Variants in TLN2 observed in about 807,000 individuals in gnomAD.
The protein encoded by TLN2 is talin 2.
A neutral mutation model predicts 294.7 loss-of-function variants in TLN2; 118 were observed. The ratio of observed to expected loss-of-function variants is 0.40; its 90% CI spans 0.34 to 0.47. TLN2 has a LOEUF of 0.47. TLN2 is among the 20% of genes least tolerant of loss of function. The pLI is 0.84. For missense variants in TLN2, 3,083 were observed against 3,282.2 expected (o/e 0.94, Z 1.48); for synonymous variants, 1,431 against 1,304.5 (o/e 1.10, Z -2.09).
chr15:62,650,264 T>G, intron 5 of TLN2, 83 bp downstream of exon 5: 1 of 1,402,634 alleles, frequency 7.1e-7, no homozygotes, highest in Non-Finnish European at 1.0e-6. Flanking sequence ...TTACGCTATT[T>G]TGATTCAAGG....
intron 1 of TLN2, among the ~76,000 whole-genome samples, chr15:62,436,554 C>G (rs765686471): frequency 6.6e-6 from 1 of 152,146 alleles, no homozygotes. Flanking sequence ...TAGGGAAAGC[C>G]TTGCAGTGGA....
At chr15:62,739,315 T>C (rs1178513865) in intron 30 of TLN2, 33 bp from the exon 31 acceptor site, 2 of 1,588,570 alleles carry the variant, frequency 1.3e-6, no homozygotes, top group African/African-American at 2.7e-5. Flanking sequence ...CAAAGCAGAA[T>C]GTCTCATGGG....
intron 1 of TLN2, among the ~76,000 whole-genome samples, chr15:62,560,452 G>A (rs542036559): frequency 9.2e-5 from 14 of 152,226 alleles, no homozygotes; most frequent in South Asian, 6.2e-4. Flanking sequence ...AAGTGGGCCC[G>A]CCTAGCTGGG....
At position 62,843,221 on chromosome 15, in the gene TLN2, G is replaced by C. The variant is rs1462327239; in HGVS notation, c.*2611G>C. On this transcript the variant is annotated 3_prime_UTR_variant, in exon 59 of 59. Transcript: ENST00000636159. The stretch of plus-strand genomic sequence containing the variant: ...TTCTTCTCACACCCCTCTACTCCTC[G>C]AGGGCTTTGAATCCTTGGGCTGATT... 9 of 152,304 alleles carry C rather than the reference G, an allele frequency of 5.9e-5. No homozygotes were observed. In the East Asian group the frequency reaches 1.5e-3, roughly 26 times the overall value. The allele number at this position is 152,304 out of a possible 1,614,324, so 9.4% of individuals were successfully genotyped here. A position where few individuals can be genotyped will look rare whatever the true frequency, so the allele number is the denominator to read the frequency against.
intron 44 of TLN2, 127 bp from the exon 45 acceptor site, chr15:62,783,644 C>T (rs2064377741): frequency 1.4e-6 from 2 of 1,443,854 alleles, no homozygotes; most frequent in Middle Eastern, 2.5e-4. Context: ...CTGGCCTTCA[C>T]CCCCTCAGGA....
intron 1 of TLN2, among the ~76,000 whole-genome samples, chr15:62,524,388 T>C (rs1422193971): frequency 6.6e-6 from 1 of 152,166 alleles, no homozygotes; most frequent in African/African-American, 2.4e-5. Flanking sequence ...AGGTGTGTGC[T>C]TGTGTGTGTA....
chr15:62,609,032 T>C (rs2047687385), intron 2 of TLN2, among the ~76,000 whole-genome samples: 1 of 151,688 alleles, frequency 6.6e-6, no homozygotes, highest in Non-Finnish European at 1.5e-5. Context: ...GCCTGGAGAG[T>C]TTGTGGGCTT....
intron 39 of TLN2, 91 bp from the exon 40 acceptor site, chr15:62,763,472 G>A (rs1167209440): frequency 2.7e-6 from 4 of 1,487,348 alleles, no homozygotes; most frequent in African/African-American, 1.4e-5. Flanking sequence ...CAGGGAGGAA[G>A]TGGACAGGGA....
At chr15:62,524,385 T>G (rs1459920092) in intron 1 of TLN2, among the ~76,000 whole-genome samples, 1 of 152,172 alleles carries the variant, frequency 6.6e-6, no homozygotes, top group Non-Finnish European at 1.5e-5. Context: ...TGCAGGTGTG[T>G]GCTTGTGTGT....
chr15:62,727,233 A>T, intron 28 of TLN2, 44 bp downstream of exon 28: 3 of 1,571,752 alleles, frequency 1.9e-6, no homozygotes. Flanking sequence ...GCTTCAGGCC[A>T]CTGGGTGTAG....
chr15:62,763,983 G>A (rs754839724), intron 40 of TLN2, among the ~76,000 whole-genome samples: 7 of 152,196 alleles, frequency 4.6e-5, no homozygotes, highest in Non-Finnish European at 7.3e-5. Flanking sequence ...TAATTTAGGG[G>A]TACGGTGGGT....
In TLN2 at chr15:62,697,822, A is replaced by T; in HGVS notation, c.1427A>T (p.Gln476Leu). Residue 476 changes from glutamine (Q) to leucine (L), a missense_variant, in exon 15 of 59, where the codon CAG becomes CTG. Transcript: ENST00000636159. ...GTTGGCAGCATGCCCTCGCCACAGCAGCAGGTCATGGTTGGGCAGATGCAC... is the reference window on the plus strand; with the variant it reads ...GTTGGCAGCATGCCCTCGCCACAGCTGCAGGTCATGGTTGGGCAGATGCAC... The part of the protein sequence containing the change: ...FNVGSMPSPQ[Q>L]QVMVGQMHRG... The T allele has an allele frequency of 6.2e-7, 1 of 1,613,084 alleles. No homozygotes were observed. The highest frequency in any genetic ancestry group is 8.5e-7 in the Non-Finnish European group (1 of 1,179,910).
Position 62,686,736 on chromosome 15 carries a change from G to A in TLN2, c.1053G>A (p.Leu351=), listed in dbSNP as rs764145223. The A allele has an allele frequency of 1.5e-5, 24 of 1,613,750 alleles. No homozygotes were observed. Among genetic ancestry groups the A allele is most frequent in the Non-Finnish European group, 1.5e-5 (18 of 1,179,934 alleles). Residue 351 remains leucine (L), a synonymous_variant, in exon 12 of 59, where the codon CTG becomes CTA. Transcript: ENST00000636159. ...TGGATGAGAAGACCAAGGAAGTGCTGCAGGAGTGGCCCCTCACCACCGTCA... is the reference window on the plus strand; with the variant it reads ...TGGATGAGAAGACCAAGGAAGTGCTACAGGAGTGGCCCCTCACCACCGTCA... ...MRVDEKTKEV[L]QEWPLTTVKR...
chr15:62,491,792 A>G (rs140122682), intron 1 of TLN2, among the ~76,000 whole-genome samples: 377 of 152,308 alleles, frequency 2.5e-3, no homozygotes, highest in Non-Finnish European at 3.9e-3. Context: ...TTGAAGTTTC[A>G]TAACAGTCAG....
At chr15:62,720,648 G>GGTGTGTGT (rs5813167) in intron 25 of TLN2, among the ~76,000 whole-genome samples, 3,834 of 149,176 alleles carry the variant, frequency 0.026, 59 homozygotes, top group South Asian at 0.06. Context: ...ATACAACACA[G>GGTGTGTGT]GTGTGTGTGT....
At chr15:62,535,455 C>A (rs1300042145) in intron 1 of TLN2, among the ~76,000 whole-genome samples, 7 of 145,008 alleles carry the variant, frequency 4.8e-5, no homozygotes, top group Non-Finnish European at 1.1e-4. Context: ...ATAGTGAGAC[C>A]CTGTCTGTGT....
At chr15:62,740,052 T>G (rs1356862956) in intron 31 of TLN2, among the ~76,000 whole-genome samples, 3 of 151,234 alleles carry the variant, frequency 2.0e-5, no homozygotes, top group African/African-American at 4.9e-5. Flanking sequence ...TTTTTGTTTT[T>G]TTTTTTTTTT....
chr15:62,839,085 C>G (rs558704582), intron 58 of TLN2, 104 bp downstream of exon 58: 1 of 1,435,196 alleles, frequency 7.0e-7, no homozygotes, highest in South Asian at 1.4e-5. Flanking sequence ...ATTTCTTCCT[C>G]GTGTACCAGA....
At chr15:62,766,123 C>T (rs1595918608) in intron 40 of TLN2, among the ~76,000 whole-genome samples, 198 bp from the exon 41 acceptor site, 1 of 152,306 alleles carries the variant, frequency 6.6e-6, no homozygotes, top group East Asian at 1.9e-4. Flanking sequence ...ATCTCTCATG[C>T]CTGCTTCTTC....
Sources: allele counts gnomAD v4.1 joint callset (sites outside exome capture counted in the v4.1 genomes callset), GRCh38; gene constraint gnomAD v4.1.1; transcripts MANE v1.5; gene names NCBI Gene and HGNC (gene_info 2026-07-23, HGNC 2026-07-21).